LMNTD1: variants seen among roughly 807,000 people sequenced by gnomAD.
LMNTD1 encodes lamin tail domain-containing protein 1.
A neutral mutation model predicts 50.9 loss-of-function variants in LMNTD1; 35 were observed. That is an observed-to-expected ratio of 0.69 (90% CI 0.53 to 0.91). The LOEUF (loss-of-function observed/expected upper bound fraction) is 0.91, where lower values mean the gene tolerates loss of function less well. Ranked by LOEUF, LMNTD1 falls within the 40% of genes least tolerant of loss-of-function variation. The pLI, the probability that LMNTD1 is intolerant of heterozygous loss-of-function variation, is 0.00. For synonymous variants in LMNTD1, 153 were observed against 161.9 expected (o/e 0.94, Z 0.42); for missense variants, 470 against 475.5 (o/e 0.99, Z 0.11).
intron 1 of LMNTD1, among the ~76,000 whole-genome samples, chr12:25,635,240 CAAAAAAAAAAAGA>C (rs1472471235): frequency 1.8e-5 from 2 of 114,128 alleles, no homozygotes; most frequent in African/African-American, 7.1e-5. Flanking sequence ...AACTCTGTCT[CAAAAAAAAAAAGA>C]AAAAAAAAAA....
intron 1 of LMNTD1, among the ~76,000 whole-genome samples, chr12:25,629,158 G>A (rs1357461134): frequency 6.6e-6 from 1 of 152,164 alleles, no homozygotes; most frequent in Admixed American, 6.5e-5. Context: ...GCCATAACTT[G>A]CTCTCCACCT....
At chr12:25,519,046 G>T in intron 7 of LMNTD1, 79 bp from the exon 8 acceptor site, 1 of 1,328,594 alleles carries the variant, frequency 7.5e-7, no homozygotes. Context: ...CAATTAAAGG[G>T]GAAGCATATT....
chr12:25,504,885 A>C (rs1359163836), intron 8 of LMNTD1, among the ~76,000 whole-genome samples: 2 of 152,326 alleles, frequency 1.3e-5, no homozygotes, highest in East Asian at 3.9e-4. Context: ...GGCTTCTAAG[A>C]TATTTTCCTT....
intron 1 of LMNTD1, among the ~76,000 whole-genome samples, chr12:25,625,575 T>C (rs1388218739): frequency 6.6e-6 from 1 of 152,122 alleles, no homozygotes; most frequent in African/African-American, 2.4e-5. Flanking sequence ...TTCCATGCCT[T>C]CTCCAATTGA....
intron 1 of LMNTD1, among the ~76,000 whole-genome samples, chr12:25,593,245 G>T (rs973138450): frequency 6.6e-6 from 1 of 152,118 alleles, no homozygotes; most frequent in African/African-American, 2.4e-5. Context: ...CCTGGCAAGA[G>T]GCCAACCATC....
At chr12:25,611,485 C>T (rs964297460) in intron 1 of LMNTD1, among the ~76,000 whole-genome samples, 1 of 152,170 alleles carries the variant, frequency 6.6e-6, no homozygotes, top group African/African-American at 2.4e-5. Context: ...GAATCCTCGA[C>T]TATGTAGCTG....
intron 1 of LMNTD1, among the ~76,000 whole-genome samples, chr12:25,645,183 G>A (rs959530658): frequency 6.6e-6 from 1 of 152,196 alleles, no homozygotes; most frequent in Non-Finnish European, 1.5e-5. Flanking sequence ...CTCATGAAGA[G>A]TTGGAGTCTA....
intron 1 of LMNTD1, among the ~76,000 whole-genome samples, chr12:25,628,150 T>G (rs1946637548): frequency 6.9e-6 from 1 of 145,590 alleles, no homozygotes; most frequent in African/African-American, 2.5e-5. Flanking sequence ...GCAAAGGATG[T>G]TATAAAAGGT....
intron 1 of LMNTD1, among the ~76,000 whole-genome samples, chr12:25,605,339 T>C (rs1216317270): frequency 6.6e-6 from 1 of 152,150 alleles, no homozygotes; most frequent in African/African-American, 2.4e-5. Flanking sequence ...GCAGAAGCTC[T>C]AGTTTAATTA....
At chr12:25,617,876 A>T (rs916637648) in intron 1 of LMNTD1, among the ~76,000 whole-genome samples, 2 of 152,184 alleles carry the variant, frequency 1.3e-5, no homozygotes, top group Non-Finnish European at 2.9e-5. Flanking sequence ...AAATCTGAAG[A>T]AGTACTTGAA....
intron 1 of LMNTD1, among the ~76,000 whole-genome samples, chr12:25,589,333 T>TA: frequency 6.6e-6 from 1 of 152,284 alleles, no homozygotes; most frequent in African/African-American, 2.4e-5. Context: ...GTTAAAAACT[T>TA]ACAAAATTAT....
At chr12:25,558,335 T>A (rs1944124646) in intron 1 of LMNTD1, among the ~76,000 whole-genome samples, 1 of 152,192 alleles carries the variant, frequency 6.6e-6, no homozygotes, top group Non-Finnish European at 1.5e-5. Context: ...TTGCTCTTAT[T>A]TTTCTAGTTC....
At chr12:25,503,569 A>G (rs1385975774) in intron 9 of LMNTD1, among the ~76,000 whole-genome samples, 169 bp downstream of exon 9, 1 of 152,222 alleles carries the variant, frequency 6.6e-6, no homozygotes, top group East Asian at 1.9e-4. Flanking sequence ...CAACATGAAG[A>G]CAAAAACTGA....
intron 8 of LMNTD1, among the ~76,000 whole-genome samples, chr12:25,506,374 TGAGATGGATTGCAGAA>T (rs1939780484): frequency 6.6e-6 from 1 of 152,072 alleles, no homozygotes; most frequent in Non-Finnish European, 1.5e-5. Context: ...CTGCAGTATA[TGAGATGGATTGCAGAA>T]GACAGGCAAA....
intron 8 of LMNTD1, among the ~76,000 whole-genome samples, chr12:25,513,425 C>T (rs541394317): frequency 6.6e-6 from 1 of 152,266 alleles, no homozygotes; most frequent in African/African-American, 2.4e-5. Flanking sequence ...CACTTGAGGT[C>T]AGGAATTTGA....
At chr12:25,588,830 A>T (rs1945615975) in intron 1 of LMNTD1, among the ~76,000 whole-genome samples, 1 of 152,186 alleles carries the variant, frequency 6.6e-6, no homozygotes, top group African/African-American at 2.4e-5. Context: ...TCAAATACTC[A>T]GAAGAAAATG....
At chr12:25,565,383 C>A (rs1944516513) in intron 1 of LMNTD1, among the ~76,000 whole-genome samples, 1 of 152,064 alleles carries the variant, frequency 6.6e-6, no homozygotes. Flanking sequence ...ATGAGGCTTG[C>A]AAATACTATC....
At chr12:25,614,190 C>T (rs1441703008) in intron 1 of LMNTD1, among the ~76,000 whole-genome samples, 1 of 151,762 alleles carries the variant, frequency 6.6e-6, no homozygotes, top group East Asian at 1.9e-4. Flanking sequence ...TCTTTTTTTT[C>T]TGTCTATTCC....
At chr12:25,480,116 C>T (rs1938399315) in intron 9 of LMNTD1, among the ~76,000 whole-genome samples, 1 of 152,210 alleles carries the variant, frequency 6.6e-6, no homozygotes, top group Admixed American at 6.5e-5. Context: ...GGTGAGCACT[C>T]ACGTACAATA....
Sources: allele counts gnomAD v4.1 joint callset (sites outside exome capture counted in the v4.1 genomes callset), GRCh38; gene constraint gnomAD v4.1.1; transcripts MANE v1.5; gene names NCBI Gene and HGNC (gene_info 2026-07-23, HGNC 2026-07-21).